The following NKAIN2 variants were observed in gnomAD, a reference collection of about 807,000 sequenced individuals.
NKAIN2 encodes the protein sodium/potassium transporting ATPase interacting 2.
Under a neutral mutation model 32.6 loss-of-function variants are expected in NKAIN2, and 14 were observed. The observed-to-expected ratio is 0.43, with a 90% confidence interval of 0.28 to 0.67. NKAIN2 has a LOEUF of 0.67. NKAIN2 is among the 30% of genes least tolerant of loss of function. The probability of loss-of-function intolerance (pLI) is 0.17; values close to 1 mark genes in which losing one functional copy is unlikely to be tolerated. For missense variants in NKAIN2, 198 were observed against 258.3 expected, an observed-to-expected ratio of 0.77 and a Z score of 1.60; for synonymous variants, 80 against 87.2, an observed-to-expected ratio of 0.92 and a Z score of 0.46.
chr6:123,869,727 A>G (rs1301434570), intron 1 of NKAIN2, among the ~76,000 whole-genome samples: 2 of 152,210 alleles, frequency 1.3e-5, no homozygotes, highest in Non-Finnish European at 2.9e-5. Flanking sequence ...CCCAACAAAG[A>G]TATTGTTCTC....
At chr6:124,629,912 A>G (rs1389184290) in intron 3 of NKAIN2, among the ~76,000 whole-genome samples, 1 of 152,094 alleles carries the variant, frequency 6.6e-6, no homozygotes, top group African/African-American at 2.4e-5. Flanking sequence ...ATATATTTAG[A>G]CTTTAGGTTC....
chr6:124,251,755 T>G (rs1190700459), intron 1 of NKAIN2, among the ~76,000 whole-genome samples: 28 of 151,982 alleles, frequency 1.8e-4, no homozygotes, highest in Admixed American at 1.8e-3. Flanking sequence ...AAGGGACCCT[T>G]CAATCTCCTC....
chr6:124,239,695 A>G (rs1354903888), intron 1 of NKAIN2, among the ~76,000 whole-genome samples: 1 of 152,200 alleles, frequency 6.6e-6, no homozygotes, highest in Non-Finnish European at 1.5e-5. Context: ...CTTTGAAACC[A>G]ATGAGAACAA....
chr6:124,191,981 G>A (rs1790043098), intron 1 of NKAIN2, among the ~76,000 whole-genome samples: 1 of 149,962 alleles, frequency 6.7e-6, no homozygotes, highest in African/African-American at 2.5e-5. Context: ...TGTAATTTTT[G>A]TTTTTACTTT....
intron 4 of NKAIN2, among the ~76,000 whole-genome samples, chr6:124,770,718 C>T (rs767092312): frequency 1.3e-5 from 2 of 152,040 alleles, no homozygotes; most frequent in Non-Finnish European, 2.9e-5. Context: ...TATGATCTGA[C>T]TGTTTTAAGT....
chr6:124,367,992 C>T (rs1180846483), intron 3 of NKAIN2, among the ~76,000 whole-genome samples: 1 of 151,966 alleles, frequency 6.6e-6, no homozygotes, highest in African/African-American at 2.4e-5. Context: ...GTAGGTTATA[C>T]CCAGAGCTCT....
At chr6:124,393,570 C>T (rs547726051) in intron 3 of NKAIN2, among the ~76,000 whole-genome samples, 40 of 152,074 alleles carry the variant, frequency 2.6e-4, no homozygotes, top group African/African-American at 7.7e-4. Flanking sequence ...TACTGAGTGA[C>T]GGTTAAAAAG....
intron 1 of NKAIN2, among the ~76,000 whole-genome samples, chr6:124,123,084 GCT>G (rs145637517): frequency 0.077 from 11,631 of 151,774 alleles, 865 homozygotes; most frequent in African/African-American, 0.2. Flanking sequence ...TCCTTTTTTA[GCT>G]CTGTTATTTA....
chr6:124,276,484 T>G (rs1795037721), intron 1 of NKAIN2, among the ~76,000 whole-genome samples: 1 of 152,140 alleles, frequency 6.6e-6, no homozygotes, highest in Admixed American at 6.6e-5. Context: ...CAACTTCAAG[T>G]TTATCCTCTT....
At chr6:124,710,927 G>A (rs544914798) in intron 4 of NKAIN2, among the ~76,000 whole-genome samples, 177 of 151,284 alleles carry the variant, frequency 1.2e-3, no homozygotes, top group African/African-American at 3.5e-3. Context: ...TCCTAGTCTC[G>A]ATGGTCTTTA....
intron 1 of NKAIN2, among the ~76,000 whole-genome samples, chr6:124,056,861 T>C (rs531036355): frequency 1.3e-5 from 2 of 152,176 alleles, no homozygotes; most frequent in South Asian, 4.1e-4. Context: ...AGTAATATTT[T>C]TAGCCTGCTG....
At chr6:124,684,102 A>G (rs1032283352) in intron 4 of NKAIN2, among the ~76,000 whole-genome samples, 1 of 152,202 alleles carries the variant, frequency 6.6e-6, no homozygotes, top group Non-Finnish European at 1.5e-5. Flanking sequence ...GGAATTTAAC[A>G]TACAACAGTT....
chr6:124,425,669 C>T (rs930916891), intron 3 of NKAIN2, among the ~76,000 whole-genome samples: 3 of 152,028 alleles, frequency 2.0e-5, no homozygotes, highest in Non-Finnish European at 2.9e-5. Flanking sequence ...CCAAAGAAGA[C>T]GTACCTACCA....
intron 5 of NKAIN2, among the ~76,000 whole-genome samples, chr6:124,815,456 G>T (rs1384411422): frequency 6.6e-6 from 1 of 151,766 alleles, no homozygotes; most frequent in Non-Finnish European, 1.5e-5. Context: ...TTTTAGTAGA[G>T]ACGGGGTTTC....
At chr6:124,145,537 A>G (rs1451725647) in intron 1 of NKAIN2, among the ~76,000 whole-genome samples, 1 of 151,644 alleles carries the variant, frequency 6.6e-6, no homozygotes, top group Non-Finnish European at 1.5e-5. Flanking sequence ...ACAGAGTCTC[A>G]CTCTGTCACC....
chr6:124,016,215 G>A (rs549662956), intron 1 of NKAIN2, among the ~76,000 whole-genome samples: 2 of 152,028 alleles, frequency 1.3e-5, no homozygotes, highest in South Asian at 4.2e-4. Context: ...TTAATGAAAG[G>A]GCAAGGAACC....
At chr6:123,837,333 AGGTCC>A (rs573268415) in intron 1 of NKAIN2, among the ~76,000 whole-genome samples, 150 of 152,136 alleles carry the variant, frequency 9.9e-4, no homozygotes, top group Middle Eastern at 3.4e-3. Context: ...CCAGCTCCAT[AGGTCC>A]TACAACCCTC....
chr6:124,045,137 T>C (rs911625020), intron 1 of NKAIN2, among the ~76,000 whole-genome samples: 1 of 151,874 alleles, frequency 6.6e-6, no homozygotes, highest in African/African-American at 2.4e-5. Context: ...GTTATTTCTT[T>C]ATACGTCAAA....
At chr6:124,473,071 G>A (rs1455309162) in intron 3 of NKAIN2, among the ~76,000 whole-genome samples, 3 of 152,118 alleles carry the variant, frequency 2.0e-5, no homozygotes, top group African/African-American at 7.2e-5. Flanking sequence ...AACCCACAAA[G>A]GAAAGCGCCC....
Sources: allele counts gnomAD v4.1 joint callset (sites outside exome capture counted in the v4.1 genomes callset), GRCh38; gene constraint gnomAD v4.1.1; transcripts MANE v1.5; gene names NCBI Gene and HGNC (gene_info 2026-07-23, HGNC 2026-07-21).